ZNF385D: variants seen among roughly 807,000 people sequenced by gnomAD.
ZNF385D encodes zinc finger protein 385D, also known as zinc finger protein 659.
A neutral mutation model predicts 35.8 loss-of-function variants in ZNF385D; 15 were observed. The ratio of observed to expected loss-of-function variants is 0.42; its 90% CI spans 0.28 to 0.64. The LOEUF is 0.64. Among genes scored for constraint, ZNF385D ranks in the 30% least tolerant of loss-of-function variants. The pLI, the probability that ZNF385D is intolerant of heterozygous loss-of-function variation, is 0.23. For synonymous variants in ZNF385D, 212 were observed against 186.8 expected (o/e 1.13, Z -1.10); for missense variants, 474 against 494.6 (o/e 0.96, Z 0.39).
intron 3 of ZNF385D, among the ~76,000 whole-genome samples, chr3:22,007,408 T>C (rs1040452273): frequency 1.3e-5 from 2 of 152,242 alleles, no homozygotes; most frequent in Non-Finnish European, 2.9e-5. Flanking sequence ...TTATTTAGTT[T>C]GTTTTCCAAA....
At chr3:21,799,414 CCTCATT>C (rs1219666976) in intron 3 of ZNF385D, among the ~76,000 whole-genome samples, 1 of 152,142 alleles carries the variant, frequency 6.6e-6, no homozygotes, top group East Asian at 1.9e-4. Context: ...TTCTCTACAT[CCTCATT>C]AACACTTGTT....
chr3:21,640,065 GCTTTCTTT>G (rs145577105), intron 2 of ZNF385D, among the ~76,000 whole-genome samples: 1 of 151,888 alleles, frequency 6.6e-6, no homozygotes, highest in Non-Finnish European at 1.5e-5. Flanking sequence ...AAATCAGAAT[GCTTTCTTT>G]CTTTCTTTCT....
At chr3:22,094,452 C>T (rs984127703) in intron 3 of ZNF385D, among the ~76,000 whole-genome samples, 9 of 100,644 alleles carry the variant, frequency 8.9e-5, no homozygotes, top group African/African-American at 3.0e-4. Context: ...AAAAGACACA[C>T]AGACAGACTT....
chr3:21,594,070 C>T (rs1017291202), intron 2 of ZNF385D, among the ~76,000 whole-genome samples: 1 of 152,130 alleles, frequency 6.6e-6, no homozygotes, highest in Non-Finnish European at 1.5e-5. Flanking sequence ...CACAAGAACA[C>T]AGGGAATGAA....
At chr3:22,351,619 G>A (rs1335390091) in intron 2 of ZNF385D, among the ~76,000 whole-genome samples, 1 of 152,066 alleles carries the variant, frequency 6.6e-6, no homozygotes, top group African/African-American at 2.4e-5. Flanking sequence ...CAATAACTCT[G>A]TATAATGAGA....
chr3:21,720,664 G>C (rs922201884), intron 1 of ZNF385D, among the ~76,000 whole-genome samples: 7 of 152,232 alleles, frequency 4.6e-5, no homozygotes, highest in African/African-American at 1.7e-4. Flanking sequence ...GAGTGATTCT[G>C]CTGCAAATTC....
intron 3 of ZNF385D, among the ~76,000 whole-genome samples, chr3:21,782,830 T>C (rs1337273062): frequency 6.6e-6 from 1 of 152,124 alleles, no homozygotes; most frequent in South Asian, 2.1e-4. Flanking sequence ...ATGTAGGTCA[T>C]GGTATGTTTT....
At chr3:21,515,008 T>G (rs1007596168) in intron 3 of ZNF385D, among the ~76,000 whole-genome samples, 1 of 152,150 alleles carries the variant, frequency 6.6e-6, no homozygotes, top group Non-Finnish European at 1.5e-5. Context: ...GAACGCCATT[T>G]TAGATGTAAT....
chr3:22,305,884 A>G (rs967127870), intron 2 of ZNF385D, among the ~76,000 whole-genome samples: 1 of 152,178 alleles, frequency 6.6e-6, no homozygotes, highest in Admixed American at 6.6e-5. Flanking sequence ...CTTAAACTAG[A>G]GGGAAATTGT....
intron 3 of ZNF385D, among the ~76,000 whole-genome samples, chr3:22,035,523 GGTTT>G (rs1289407094): frequency 6.6e-6 from 1 of 152,068 alleles, no homozygotes; most frequent in Non-Finnish European, 1.5e-5. Flanking sequence ...TTTTAAAATT[GGTTT>G]GTTTTTCAAT....
At chr3:21,818,006 G>C (rs1176637284) in intron 3 of ZNF385D, among the ~76,000 whole-genome samples, 1 of 152,074 alleles carries the variant, frequency 6.6e-6, no homozygotes, top group Non-Finnish European at 1.5e-5. Context: ...CCATAAAAAA[G>C]GATGAGTTCA....
intron 2 of ZNF385D, among the ~76,000 whole-genome samples, chr3:22,173,696 T>C (rs1048677666): frequency 1.3e-5 from 2 of 152,178 alleles, no homozygotes; most frequent in African/African-American, 4.8e-5. Flanking sequence ...CACCATCGGA[T>C]GGCTCTTTAT....
In ZNF385D at chr3:21,425,640, C is replaced by T. The variant is rs765097555; in HGVS notation, c.704G>A (p.Arg235Gln). 2.5e-5 allele frequency: 40 copies of T among 1,593,122 alleles called. No individual in the cohort carries two copies. Among genetic ancestry groups the T allele is most frequent in the South Asian group, 7.9e-5 (7 of 88,280 alleles). ...GGCTTTGATAGTGCCACTTCCATTC[C>T]GGGCTTCTAACATGGTTTTGTGCTT... ...GTKHKTMLEA[R>Q]NGSGTIKAFP... Residue 235 changes from arginine (R) to glutamine (Q), a missense_variant, in exon 6 of 8, where the codon CGG (arginine) becomes CAG (glutamine). By Grantham distance (43) the Arg-to-Gln change is conservative (BLOSUM62 1). Transcript: ENST00000281523.
chr3:21,878,355 T>C (rs977649510), intron 3 of ZNF385D, among the ~76,000 whole-genome samples: 1 of 152,016 alleles, frequency 6.6e-6, no homozygotes, highest in Non-Finnish European at 1.5e-5. Flanking sequence ...TCAAGTGCCA[T>C]GTGAGCAAGC....
At chr3:21,676,604 G>A (rs771158538) in intron 1 of ZNF385D, among the ~76,000 whole-genome samples, 5 of 151,928 alleles carry the variant, frequency 3.3e-5, no homozygotes, top group African/African-American at 9.7e-5. Context: ...CTATATTATG[G>A]TCTAGGTTCT....
At chr3:21,691,129 A>G (rs572904507) in intron 1 of ZNF385D, among the ~76,000 whole-genome samples, 1 of 152,016 alleles carries the variant, frequency 6.6e-6, no homozygotes, top group Admixed American at 6.6e-5. Flanking sequence ...AGTACCCTCA[A>G]TTCCCTCAAC....
chr3:21,551,107 G>A (rs2062553448), intron 3 of ZNF385D, among the ~76,000 whole-genome samples: 1 of 152,176 alleles, frequency 6.6e-6, no homozygotes, highest in Non-Finnish European at 1.5e-5. Flanking sequence ...AGTTCTAGCT[G>A]CTGAATGGCT....
chr3:21,495,985 A>G (rs1326221344), intron 4 of ZNF385D, among the ~76,000 whole-genome samples: 1 of 152,202 alleles, frequency 6.6e-6, no homozygotes, highest in Middle Eastern at 3.4e-3. Flanking sequence ...ACAATCTTCC[A>G]AGATTGAACA....
intron 2 of ZNF385D, among the ~76,000 whole-genome samples, chr3:22,256,412 T>C (rs980096403): frequency 2.4e-4 from 37 of 151,758 alleles, no homozygotes; most frequent in Admixed American, 2.2e-3. Context: ...CTGATTATCA[T>C]ATTTAAAGAT....
Sources: gnomAD v4.1 joint callset for allele counts (sites outside exome capture counted in the v4.1 genomes callset) on GRCh38, gnomAD v4.1.1 for gene constraint, MANE v1.5 for transcripts, NCBI Gene and HGNC (gene_info 2026-07-23, HGNC 2026-07-21) for gene names.